RBFOX1: variants seen among roughly 807,000 people sequenced by gnomAD.
RBFOX1 encodes the protein RNA binding protein fox-1 homolog 1.
Under a neutral mutation model 57.7 loss-of-function variants are expected in RBFOX1, and 8 were observed. The ratio of observed to expected loss-of-function variants is 0.14; its 90% confidence interval spans 0.08 to 0.25. RBFOX1 has a LOEUF of 0.25. Ranked by LOEUF, RBFOX1 falls within the 10% of genes least tolerant of loss-of-function variation. The probability of loss-of-function intolerance (pLI) is 1.00; values close to 1 mark genes in which losing one functional copy is unlikely to be tolerated. For synonymous variants in RBFOX1, 326 were observed against 222.4 expected, an observed-to-expected ratio of 1.47 and a Z score of -4.15; for missense variants, 611 against 548.5, an observed-to-expected ratio of 1.11 and a Z score of -1.14.
chr16:7,066,287 A>T (rs960610292), intron 4 of RBFOX1, among the ~76,000 whole-genome samples: 1 of 152,182 alleles, frequency 6.6e-6, no homozygotes, highest in Non-Finnish European at 1.5e-5. Flanking sequence ...ATGGTACGTT[A>T]CCTTGATGTC....
At position 7,059,482 on chromosome 16, in the gene RBFOX1, C is replaced by G. The variant is rs114039380; in HGVS notation, c.27+7384C>G. Among the ~76,000 whole-genome samples, 723 of 152,322 alleles carry G rather than the reference C, an allele frequency of 4.7e-3. 7 individuals are homozygous for G. The highest frequency in any genetic ancestry group is 0.016 in the African/African-American group (682 of 41,566). On this transcript the variant is annotated intron_variant, in intron 4 of 15. Transcript: ENST00000550418. ...TACTAAAACTTGCACCACTCTTATT[C>G]TCTTATACCTCACAGCCTAGTGGAA...
chr16:6,695,811 C>T (rs1274326171), intron 3 of RBFOX1, among the ~76,000 whole-genome samples: 2 of 152,140 alleles, frequency 1.3e-5, no homozygotes, highest in African/African-American at 2.4e-5. Flanking sequence ...TTGTCATGTC[C>T]TGTTTTGTTT....
At chr16:6,122,466 C>T (rs2096557976) in intron 1 of RBFOX1, among the ~76,000 whole-genome samples, 1 of 151,834 alleles carries the variant, frequency 6.6e-6, no homozygotes, top group Non-Finnish European at 1.5e-5. Context: ...TTCCCTAATC[C>T]TTTTCTTTGC....
At chr16:7,598,182 G>C (rs1473344611) in intron 9 of RBFOX1, among the ~76,000 whole-genome samples, 1 of 152,060 alleles carries the variant, frequency 6.6e-6, no homozygotes, top group Non-Finnish European at 1.5e-5. Context: ...ATACTTAATT[G>C]TACCAAAAAT....
At chr16:5,314,536 T>C (rs1157338422) in intron 1 of RBFOX1, among the ~76,000 whole-genome samples, 3 of 152,244 alleles carry the variant, frequency 2.0e-5, no homozygotes, top group Non-Finnish European at 4.4e-5. Flanking sequence ...GATCTCACTC[T>C]GTTGCCCAGG....
intron 3 of RBFOX1, among the ~76,000 whole-genome samples, chr16:6,800,424 C>A (rs1298317853): frequency 6.6e-6 from 1 of 152,096 alleles, no homozygotes; most frequent in Non-Finnish European, 1.5e-5. Flanking sequence ...CAGTGATAGG[C>A]ATTGCCTGGG....
At chr16:7,151,184 C>T (rs529767162) in intron 4 of RBFOX1, among the ~76,000 whole-genome samples, 62 of 152,194 alleles carry the variant, frequency 4.1e-4, no homozygotes, top group African/African-American at 1.5e-3. Flanking sequence ...GCTACCTTGG[C>T]AAAAATCAGA....
At chr16:5,472,686 C>T (rs1272682429) in intron 2 of RBFOX1, among the ~76,000 whole-genome samples, 1 of 152,126 alleles carries the variant, frequency 6.6e-6, no homozygotes, top group Non-Finnish European at 1.5e-5. Context: ...CAGCGCCTTC[C>T]CTGTTTGAGA....
chr16:7,405,386 T>C (rs2098323383), intron 4 of RBFOX1, among the ~76,000 whole-genome samples: 3 of 152,112 alleles, frequency 2.0e-5, no homozygotes, highest in Admixed American at 1.3e-4. Context: ...CGCTGTGCAG[T>C]TTTTTCCCTG....
chr16:7,510,681 A>C (rs1380274957), intron 4 of RBFOX1, among the ~76,000 whole-genome samples: 1 of 152,214 alleles, frequency 6.6e-6, no homozygotes, highest in Non-Finnish European at 1.5e-5. Flanking sequence ...GGTTTCTCTG[A>C]ATATGCGCGA....
rs56316210 is a variant in RBFOX1 at position 5,986,059 on chromosome 16, CTT to C, written c.351+118737_351+118738del. On this transcript the variant is annotated intron_variant, in intron 4 of 19. Coordinates refer to the RBFOX1 transcript ENST00000641259. ...TATTTTCTATTGATTTTTTTCTTTA[CTT>C]TTTTTTTTTTTTGTTTTCCAGACAG... Among the ~76,000 whole-genome samples, 236 of 136,096 alleles carry C rather than the reference CTT, an allele frequency of 1.7e-3. 1 individual carries two copies. The highest frequency in any genetic ancestry group is 7.6e-3 in the Middle Eastern group (2 of 264). The allele number at this position is 136,096 out of a possible 152,430, so 89.3% of individuals were successfully genotyped here. A position where few individuals can be genotyped will look rare whatever the true frequency, so the allele number is the denominator to read the frequency against.
chr16:5,865,277 T>A (rs1316080800), intron 3 of RBFOX1, among the ~76,000 whole-genome samples: 3 of 152,164 alleles, frequency 2.0e-5, no homozygotes, highest in Non-Finnish European at 4.4e-5. Flanking sequence ...AGGGATCTTG[T>A]GTGCTTGTGC....
intron 4 of RBFOX1, among the ~76,000 whole-genome samples, chr16:7,462,929 G>C (rs2059843146): frequency 1.3e-5 from 2 of 152,222 alleles, no homozygotes; most frequent in Admixed American, 1.3e-4. Context: ...GGCCCACCCA[G>C]GTAGTTCAGC....
intron 14 of RBFOX1, among the ~76,000 whole-genome samples, chr16:7,688,501 A>C (rs1407108663): frequency 1.3e-5 from 2 of 152,030 alleles, no homozygotes; most frequent in African/African-American, 4.8e-5. Flanking sequence ...CTTGATATCT[A>C]GCATCTCATG....
chr16:5,854,349 C>T (rs79324404), intron 3 of RBFOX1, among the ~76,000 whole-genome samples: 20,864 of 152,208 alleles, frequency 0.14, 1,814 homozygotes, highest in Non-Finnish European at 0.19. Context: ...TTCTCACCTC[C>T]GGTGCCTGGC....
At chr16:6,864,237 C>T (rs532361501) in intron 3 of RBFOX1, among the ~76,000 whole-genome samples, 12 of 152,236 alleles carry the variant, frequency 7.9e-5, no homozygotes, top group African/African-American at 2.9e-4. Flanking sequence ...TAGGGTTCTT[C>T]TCAAAGCATA....
rs188182788 is a variant in RBFOX1 at position 5,871,550 on chromosome 16, C to T, written c.351+4215C>T. Among the ~76,000 whole-genome samples, 5 of 152,242 alleles carry T rather than the reference C, an allele frequency of 3.3e-5. No individual in the cohort carries two copies. In the East Asian group the frequency reaches 7.7e-4, roughly 24 times the overall value. ...CACATTTCCCCCCTATTTATCGTCACGCAGCTTGCCCTGCTGAGAGAGAAC... is the reference window on the plus strand; with the variant it reads ...CACATTTCCCCCCTATTTATCGTCATGCAGCTTGCCCTGCTGAGAGAGAAC... On this transcript the variant is annotated intron_variant, in intron 4 of 19. Transcript: ENST00000641259.
chr16:6,270,009 T>C (rs965373647), intron 1 of RBFOX1, among the ~76,000 whole-genome samples: 1 of 152,118 alleles, frequency 6.6e-6, no homozygotes, highest in Non-Finnish European at 1.5e-5. Flanking sequence ...GGTGAAAACA[T>C]AGCACCAGGC....
At chr16:6,476,707 T>A (rs2153088009) in intron 2 of RBFOX1, among the ~76,000 whole-genome samples, 1 of 152,284 alleles carries the variant, frequency 6.6e-6, no homozygotes, top group African/African-American at 2.4e-5. Flanking sequence ...TGGCAATCTC[T>A]TAAAATGAGG....
Sources: allele counts gnomAD v4.1 joint callset (sites outside exome capture counted in the v4.1 genomes callset), GRCh38; gene constraint gnomAD v4.1.1; transcripts MANE v1.5; gene names NCBI Gene and HGNC (gene_info 2026-07-23, HGNC 2026-07-21).